TRPM3: variants seen among roughly 807,000 people sequenced by gnomAD.
TRPM3 encodes the protein long transient receptor potential channel 3.
TRPM3 carries 77 observed loss-of-function variants against 181.2 expected under a neutral mutation model. That is an observed-to-expected ratio of 0.42 (90% confidence interval 0.35 to 0.51). TRPM3 has a LOEUF of 0.51. Among genes scored for constraint, TRPM3 ranks in the 20% least tolerant of loss-of-function variants. The pLI is 0.01. For missense variants in TRPM3, 1,759 were observed against 2,196.7 expected, an observed-to-expected ratio of 0.80 and a Z score of 3.98; for synonymous variants, 745 against 796.4, an observed-to-expected ratio of 0.94 and a Z score of 1.09.
Position 70,553,201 on chromosome 9 carries a change from C to A in TRPM3, c.3333G>T (p.Val1111=), listed in dbSNP as rs376251043. The A allele has an allele frequency of 2.4e-5, 39 of 1,613,958 alleles. No homozygotes were observed. The highest frequency in any genetic ancestry group is 3.2e-5 in the Non-Finnish European group (38 of 1,180,022). ...GGAGGTTGACCAGCAAGATGTTTGC[C>A]ACTAAGAGGTAGCAGGCCATGATGG... ...VPAIMACYLL[V]ANILLVNLLI... is the part of the protein sequence containing the mutation. Residue 1111 remains valine, a synonymous_variant, in exon 23 of 26, where the codon GTG becomes GTT. Transcript: ENST00000677713.
chr9:70,685,604 AC>A (rs2066545800), intron 8 of TRPM3, among the ~76,000 whole-genome samples: 1 of 152,100 alleles, frequency 6.6e-6, no homozygotes, highest in Non-Finnish European at 1.5e-5. Context: ...TGGGGGTCTC[AC>A]TATGTTGCCC....
chr9:70,864,268 T>A (rs113836978), intron 2 of TRPM3, among the ~76,000 whole-genome samples, 164 bp downstream of exon 2: 4,521 of 152,104 alleles, frequency 0.03, 239 homozygotes, highest in African/African-American at 0.1. Context: ...AGAAATGACA[T>A]ATTATATAGT....
intron 1 of TRPM3, among the ~76,000 whole-genome samples, chr9:71,293,126 C>T (rs1368593135): frequency 6.6e-6 from 1 of 151,482 alleles, no homozygotes; most frequent in Non-Finnish European, 1.5e-5. Flanking sequence ...TTTTTAAAAA[C>T]AGTAAATAAA....
chr9:70,683,255 T>C (rs1239919359), intron 8 of TRPM3, among the ~76,000 whole-genome samples: 1 of 152,064 alleles, frequency 6.6e-6, no homozygotes, highest in African/African-American at 2.4e-5. Context: ...GGTCTTTTTC[T>C]GTCACTCAGG....
At chr9:70,820,509 G>A (rs1203595665) in intron 6 of TRPM3, among the ~76,000 whole-genome samples, 1 of 152,152 alleles carries the variant, frequency 6.6e-6, no homozygotes, top group Non-Finnish European at 1.5e-5. Context: ...GATCACAGGC[G>A]TAAGCCATTG....
chr9:70,788,357 C>CTGTT (rs2084458125), intron 6 of TRPM3, among the ~76,000 whole-genome samples: 1 of 152,002 alleles, frequency 6.6e-6, no homozygotes, highest in African/African-American at 2.4e-5. Flanking sequence ...CAAAGGGCAT[C>CTGTT]TGTTTGTGTT....
intron 1 of TRPM3, among the ~76,000 whole-genome samples, chr9:70,933,002 T>A (rs1305038535): frequency 6.6e-6 from 1 of 152,096 alleles, no homozygotes; most frequent in East Asian, 1.9e-4. Context: ...GATTTGATGA[T>A]GTGTTGATGT....
At chr9:71,282,914 G>A (rs1003554969) in intron 1 of TRPM3, among the ~76,000 whole-genome samples, 18 of 152,000 alleles carry the variant, frequency 1.2e-4, no homozygotes, top group Non-Finnish European at 1.0e-4. Flanking sequence ...TCGGGGCACC[G>A]CTGGACGACC....
chr9:71,281,801 C>T (rs2084729237), intron 1 of TRPM3, among the ~76,000 whole-genome samples: 1 of 152,150 alleles, frequency 6.6e-6, no homozygotes, highest in Admixed American at 6.5e-5. Flanking sequence ...GTGGATCACA[C>T]CTGTAATCCC....
In TRPM3 at chr9:70,567,846, C is replaced by T. The variant is rs1000693518; in HGVS notation, c.3224-14536G>A. Reference sequence around the variant, plus strand: ...AGAATGTTCTGTCTTCCTTTCTCTACATCTTGTGCAACTATTTAGTAAAAA... The same window carrying T: ...AGAATGTTCTGTCTTCCTTTCTCTATATCTTGTGCAACTATTTAGTAAAAA... On this transcript the variant is annotated intron_variant, in intron 22 of 25. Coordinates refer to ENST00000677713, the MANE Select transcript of TRPM3 (RefSeq NM_001366145.2). Among the ~76,000 whole-genome samples, 3 of 152,188 alleles carry T rather than the reference C, an allele frequency of 2.0e-5. No individual in the cohort carries two copies. In the South Asian group the frequency reaches 6.2e-4, roughly 32 times the overall value.
At chr9:71,070,305 A>G (rs2062577352) in intron 1 of TRPM3, among the ~76,000 whole-genome samples, 1 of 152,240 alleles carries the variant, frequency 6.6e-6, no homozygotes, top group Non-Finnish European at 1.5e-5. Flanking sequence ...CTACTCCATC[A>G]GGTCATGAAT....
rs775568961 is a variant in TRPM3, at chr9:70,536,988, G to A, written c.4125C>T (p.Ser1375=). 17 of 1,610,676 alleles carry A rather than the reference G, an allele frequency of 1.1e-5. No homozygotes were observed. The highest frequency in any genetic ancestry group is 3.3e-4 in the Middle Eastern group (2 of 6,084). The change falls in exon 26 of 26, where the codon AGC becomes AGT. Residue 1375 remains serine, a synonymous_variant. Transcript: ENST00000677713. ...AGTGGGAACTAGTAGCCCGGTGTAG[G>A]CTCAGGGACCTTTCTTTAAAAATAC... ...LESIFKERSL[S]LHRATSSHSV...
At chr9:70,846,309 G>C (rs1399872206) in intron 4 of TRPM3, 69 bp downstream of exon 4, 1 of 1,439,290 alleles carries the variant, frequency 6.9e-7, no homozygotes, top group Non-Finnish European at 9.8e-7. Flanking sequence ...ATTAATCTTA[G>C]CAGAAAATTA....
At chr9:71,334,472 T>C (rs2090423486) in intron 1 of TRPM3, among the ~76,000 whole-genome samples, 1 of 151,930 alleles carries the variant, frequency 6.6e-6, no homozygotes, top group African/African-American at 2.4e-5. Context: ...AATATTTCTA[T>C]AAATTTTTGC....
chr9:70,840,129 A>G (rs1341164693), intron 5 of TRPM3, among the ~76,000 whole-genome samples: 1 of 152,160 alleles, frequency 6.6e-6, no homozygotes, highest in African/African-American at 2.4e-5. Context: ...ACATAGAAAA[A>G]TTTATCTCAA....
rs539034730 is a variant in TRPM3 at position 70,691,992 on chromosome 9, C to T, written c.1273-10414G>A. Reference sequence around the variant, plus strand: ...AGAAACTAAAATCCATGGCTTTAGGCTGCTAAAAGTCTAAAACAAAACAAA... The same window carrying T: ...AGAAACTAAAATCCATGGCTTTAGGTTGCTAAAAGTCTAAAACAAAACAAA... On this transcript the variant is annotated intron_variant, in intron 8 of 25. Coordinates refer to ENST00000677713, the MANE Select transcript of TRPM3 (RefSeq NM_001366145.2). 2.0e-5 allele frequency among the ~76,000 whole-genome samples: 3 copies of T among 152,278 alleles called. No homozygotes were observed. The South Asian group carries it at 6.2e-4, about 32-fold the overall frequency.
chr9:70,539,559 A>G (rs2042730640), intron 25 of TRPM3, among the ~76,000 whole-genome samples: 1 of 150,232 alleles, frequency 6.7e-6, no homozygotes, highest in African/African-American at 2.5e-5. Context: ...CACCATCCCC[A>G]GGTGTATTCC....
chr9:70,754,277 C>T (rs2076687680), intron 8 of TRPM3, among the ~76,000 whole-genome samples: 1 of 152,126 alleles, frequency 6.6e-6, no homozygotes, highest in Non-Finnish European at 1.5e-5. Flanking sequence ...ATGACCAAAC[C>T]CCTCTTGAGG....
At chr9:70,902,003 C>T (rs1440086110) in intron 1 of TRPM3, among the ~76,000 whole-genome samples, 1 of 152,164 alleles carries the variant, frequency 6.6e-6, no homozygotes, top group Non-Finnish European at 1.5e-5. Context: ...TGTGGCCACA[C>T]AAGGCAAGCT....
Sources: gnomAD v4.1 joint callset for allele counts (sites outside exome capture counted in the v4.1 genomes callset) on GRCh38, gnomAD v4.1.1 for gene constraint, MANE v1.5 for transcripts, NCBI Gene and HGNC (gene_info 2026-07-23, HGNC 2026-07-21) for gene names.